Variants in ZNF83 observed in about 807,000 individuals in gnomAD.
The protein encoded by ZNF83 is zinc finger protein 816B.
For synonymous variants in ZNF83, 209 were observed against 213.0 expected (o/e 0.98, Z 0.17); for missense variants, 552 against 629.9 (o/e 0.88, Z 1.32).
At chr19:52,640,209 T>A (rs2061282312), upstream of ZNF83, among the ~76,000 whole-genome samples, 1 of 152,046 alleles carries the variant, frequency 6.6e-6, no homozygotes, top group South Asian at 2.1e-4. Flanking sequence ...AATAATAAAA[T>A]TTAGAATGTA....
chr19:52,659,908 C>A (rs1217406504), intron 2 of ZNF83, among the ~76,000 whole-genome samples: 1 of 152,078 alleles, frequency 6.6e-6, no homozygotes, highest in Non-Finnish European at 1.5e-5. Flanking sequence ...AGATATTTCT[C>A]GGCTGGGTGG....
At chr19:52,654,053 C>T in intron 3 of ZNF83, 1 of 1,589,818 alleles carries the variant, frequency 6.3e-7, no homozygotes, top group African/African-American at 1.3e-5. Flanking sequence ...ATAGACTTCT[C>T]CACTTGATTA....
At chr19:52,644,052 T>A (rs111796773) in intron 3 of ZNF83, among the ~76,000 whole-genome samples, 15 of 152,226 alleles carry the variant, frequency 9.9e-5, no homozygotes, top group African/African-American at 2.9e-4. Flanking sequence ...CACGGGAAGC[T>A]GGTGGAGGGT....
intron 3 of ZNF83, among the ~76,000 whole-genome samples, chr19:52,648,916 A>G (rs2061408412): frequency 6.6e-6 from 1 of 152,120 alleles, no homozygotes. Context: ...CTGAAGCTTG[A>G]AACTCCAGGC....
intron 2 of ZNF83, among the ~76,000 whole-genome samples, chr19:52,628,568 C>T (rs6509656): frequency 0.27 from 41,290 of 151,934 alleles, 5,952 homozygotes; most frequent in African/African-American, 0.38. Context: ...ATTGCAGGGA[C>T]GCCTCTCTGA....
intron 1 of ZNF83, among the ~76,000 whole-genome samples, chr19:52,676,718 G>C (rs530662595): frequency 3.6e-5 from 5 of 138,816 alleles, no homozygotes; most frequent in Admixed American, 1.4e-4. Context: ...TGAGAAATCG[G>C]ATGGTTGCCG....
At chr19:52,686,125 C>G (rs188159925) in intron 1 of ZNF83, among the ~76,000 whole-genome samples, 1 of 152,242 alleles carries the variant, frequency 6.6e-6, no homozygotes, top group Non-Finnish European at 1.5e-5. Flanking sequence ...TAAAAGGTCA[C>G]TGACATCTTT....
At chr19:52,681,296 A>AAAAAAAAAAAAAAAAAAAC in intron 1 of ZNF83, among the ~76,000 whole-genome samples, 1 of 150,016 alleles carries the variant, frequency 6.7e-6, no homozygotes. Flanking sequence ...AAAAAAAAAA[A>AAAAAAAAAAAAAAAAAAAC]AAAAAGCAAA....
chr19:52,687,593 T>A (rs1440101903), intron 1 of ZNF83, among the ~76,000 whole-genome samples: 1 of 35,602 alleles, frequency 2.8e-5, no homozygotes, highest in African/African-American at 3.1e-4. Flanking sequence ...TATATATATA[T>A]ATAATGTATA....
At chr19:52,684,131 G>A (rs1387914446) in intron 1 of ZNF83, among the ~76,000 whole-genome samples, 1 of 152,116 alleles carries the variant, frequency 6.6e-6, no homozygotes, top group African/African-American at 2.4e-5. Context: ...CACTCTGGGA[G>A]GCCGAGGCTG....
At position 52,675,957 on chromosome 19, in the gene ZNF83, C is replaced by T. The variant is rs147613643; in HGVS notation, c.-283+14486G>A. ...TTGTAATCCCACCACTTTGGGAGGC[C>T]GATGCAGGCAGATCATGAGGTCAGG... On this transcript the variant is annotated intron_variant, in intron 1 of 5. Coordinates refer to the ZNF83 transcript ENST00000594682. Among the ~76,000 whole-genome samples the T allele has an allele frequency of 5.3e-5, 8 of 152,182 alleles. No homozygotes were observed. In the East Asian group the frequency reaches 5.8e-4, roughly 11 times the overall value.
chr19:52,655,773 T>C (rs1447535765), intron 2 of ZNF83: 2 of 662,620 alleles, frequency 3.0e-6, no homozygotes, highest in Admixed American at 2.5e-5. Context: ...TAAGTATTGA[T>C]TTGATCCAAG....
chr19:52,649,828 C>A (rs2061420252), intron 3 of ZNF83, among the ~76,000 whole-genome samples: 2 of 152,098 alleles, frequency 1.3e-5, no homozygotes, highest in Admixed American at 6.6e-5. Flanking sequence ...AAAAAACAGT[C>A]TATACGGGAA....
upstream of ZNF83, among the ~76,000 whole-genome samples, chr19:52,640,044 G>A (rs1250748735): frequency 6.6e-6 from 1 of 152,152 alleles, no homozygotes; most frequent in Non-Finnish European, 1.5e-5. Context: ...TTTGGTAATG[G>A]AGGTGACCAT....
At chr19:52,639,225 CA>C (rs1231319931), upstream of ZNF83, among the ~76,000 whole-genome samples, 1 of 151,730 alleles carries the variant, frequency 6.6e-6, no homozygotes, top group Non-Finnish European at 1.5e-5. Context: ...TAGCTGGGAT[CA>C]CAGGGATGTG....
chr19:52,681,469 C>G lies in ZNF83; in HGVS notation c.-283+8974G>C, dbSNP rs115656534. Among the ~76,000 whole-genome samples, 896 of 152,198 alleles carry G rather than the reference C, an allele frequency of 5.9e-3. 5 individuals are homozygous for G. The highest frequency in any genetic ancestry group is 0.02 in the African/African-American group (841 of 41,512). Reference sequence around the variant, plus strand: ...CCAAAACTGAAAACTGTTGTGATGACAGCAATAGCCATGAATAACATTTTT... The same window carrying G: ...CCAAAACTGAAAACTGTTGTGATGAGAGCAATAGCCATGAATAACATTTTT... On this transcript the variant is annotated intron_variant, in intron 1 of 5. Coordinates refer to the ZNF83 transcript ENST00000594682.
intron 2 of ZNF83, among the ~76,000 whole-genome samples, chr19:52,659,782 T>G (rs1432024297): frequency 6.6e-6 from 1 of 152,124 alleles, no homozygotes; most frequent in African/African-American, 2.4e-5. Context: ...GTAAGAGACC[T>G]ATAACAAACA....
At chr19:52,680,251 T>A (rs886505743) in intron 1 of ZNF83, among the ~76,000 whole-genome samples, 1 of 152,056 alleles carries the variant, frequency 6.6e-6, no homozygotes, top group Non-Finnish European at 1.5e-5. Flanking sequence ...AGAGCCAAGA[T>A]AGACAAGAGC....
intron 1 of ZNF83, 46 bp from the exon 2 acceptor site, chr19:52,635,199 C>A: frequency 1.8e-6 from 1 of 564,698 alleles, no homozygotes; most frequent in East Asian, 2.8e-5. Context: ...TCAATACACC[C>A]CATTCCTGTA....
Sources: allele counts gnomAD v4.1 joint callset (sites outside exome capture counted in the v4.1 genomes callset), GRCh38; gene constraint gnomAD v4.1.1; transcripts MANE v1.5; gene names NCBI Gene and HGNC (gene_info 2026-07-23, HGNC 2026-07-21).